Variants in MAGI2 observed in about 807,000 individuals in gnomAD.
The protein encoded by MAGI2 is membrane-associated guanylate kinase, WW and PDZ domain-containing protein 2.
Under a neutral mutation model 133.3 loss-of-function variants are expected in MAGI2, and 35 were observed. The observed-to-expected ratio is 0.26, with a 90% CI of 0.20 to 0.35. The LOEUF is 0.35. Ranked by LOEUF, MAGI2 falls within the 10% of genes least tolerant of loss-of-function variation. The pLI is 1.00. For synonymous variants in MAGI2, 729 were observed against 710.6 expected, an observed-to-expected ratio of 1.03 and a Z score of -0.41; for missense variants, 1,636 against 1,863.4, an observed-to-expected ratio of 0.88 and a Z score of 2.25.
chr7:78,376,477 A>G (rs1794458978), intron 6 of MAGI2, among the ~76,000 whole-genome samples: 1 of 152,136 alleles, frequency 6.6e-6, no homozygotes, highest in East Asian at 1.9e-4. Flanking sequence ...ATTATCAAGT[A>G]GAGTTAACCT....
At chr7:78,954,348 T>G (rs6974294) in intron 2 of MAGI2, among the ~76,000 whole-genome samples, 151,446 of 151,878 alleles carry the variant, frequency 1, 75,509 homozygotes, top group Middle Eastern at 1. Context: ...TTTTTTCCTC[T>G]GAAGATAAGA....
intron 2 of MAGI2, among the ~76,000 whole-genome samples, chr7:78,709,281 C>G (rs949293143): frequency 2.0e-5 from 3 of 151,662 alleles, no homozygotes; most frequent in Admixed American, 1.3e-4. Flanking sequence ...AACATACACA[C>G]CCCCACCCCC....
chr7:78,857,011 G>A (rs142475793), intron 2 of MAGI2, among the ~76,000 whole-genome samples: 9,537 of 152,200 alleles, frequency 0.063, 366 homozygotes, highest in Middle Eastern at 0.11. Flanking sequence ...TCTCCTTGAA[G>A]CAATTGTGAA....
intron 2 of MAGI2, among the ~76,000 whole-genome samples, chr7:78,739,107 AT>A (rs1822147864): frequency 6.6e-6 from 1 of 152,182 alleles, no homozygotes; most frequent in South Asian, 2.1e-4. Flanking sequence ...TCAAGTATTA[AT>A]TTTTTAAAGG....
chr7:78,654,742 TATATATAG>T lies in MAGI2; in HGVS notation c.419-27511_419-27504del, dbSNP rs1417687483. ...ATATATATATATATATATATATATATATATATAGCATATATTTTGCATCGCAACTGGAA... is the reference window on the plus strand; with the variant it reads ...ATATATATATATATATATATATATATCATATATTTTGCATCGCAACTGGAA... On this transcript the variant is annotated intron_variant, in intron 2 of 21. Transcript: ENST00000354212. Among the ~76,000 whole-genome samples the T allele has an allele frequency of 3.6e-3, 320 of 90,048 alleles. 3 individuals are homozygous for T. The highest frequency in any genetic ancestry group is 0.013 in the East Asian group (43 of 3,220). 59.1% of individuals were successfully genotyped at this position (90,048 alleles called of 152,430 possible). A position where few individuals can be genotyped will look rare whatever the true frequency, so the allele number is the denominator to read the frequency against.
chr7:79,267,018 G>A lies in MAGI2; in HGVS notation c.301+186002C>T, dbSNP rs115286095. On this transcript the variant is annotated intron_variant, in intron 1 of 21. Transcript: ENST00000354212. ...TGAGGACTGAACTTTGATCATCTTT[G>A]TTTCGAATTTCTTCCTGAGGACCCT... Among the ~76,000 whole-genome samples the A allele has an allele frequency of 9.1e-3, 1,380 of 152,246 alleles. 20 individuals carry two copies. Among genetic ancestry groups the A allele is most frequent in the African/African-American group, 0.031 (1,300 of 41,554 alleles).
intron 6 of MAGI2, among the ~76,000 whole-genome samples, chr7:78,458,094 G>C (rs1045988791): frequency 1.3e-4 from 19 of 151,910 alleles, no homozygotes; most frequent in African/African-American, 4.6e-4. Context: ...TCAGGAGATC[G>C]ATACCATCCT....
rs139124251 is a variant in MAGI2, at chr7:78,506,468, G to A, written c.755-4681C>T. ...AAATGAAATTGCCAAGAGACAGGGT[G>A]AGAAGTGGAAACAAGAATCTGGAGC... On this transcript the variant is annotated intron_variant, in intron 4 of 21. Transcript: ENST00000354212. 1.1e-4 allele frequency among the ~76,000 whole-genome samples: 16 copies of A among 152,312 alleles called. No homozygotes were observed. The East Asian group carries it at 2.7e-3, about 26-fold the overall frequency.
intron 10 of MAGI2, among the ~76,000 whole-genome samples, chr7:78,238,563 T>C (rs879597809): frequency 6.6e-6 from 1 of 152,096 alleles, no homozygotes; most frequent in Non-Finnish European, 1.5e-5. Flanking sequence ...TTTTCTCTTT[T>C]TCTTATATCC....
At chr7:78,709,086 A>C (rs1159680677) in intron 2 of MAGI2, among the ~76,000 whole-genome samples, 2 of 152,134 alleles carry the variant, frequency 1.3e-5, no homozygotes, top group Non-Finnish European at 2.9e-5. Context: ...CCACACTTCC[A>C]ATGAATTGAT....
chr7:78,330,660 T>C (rs1789092628), intron 9 of MAGI2, among the ~76,000 whole-genome samples: 2 of 149,924 alleles, frequency 1.3e-5, no homozygotes, highest in Non-Finnish European at 1.5e-5. Context: ...ATTCCTTCAC[T>C]TATTTAATCA....
chr7:78,525,126 C>A (rs1796841321), intron 3 of MAGI2, among the ~76,000 whole-genome samples: 1 of 151,972 alleles, frequency 6.6e-6, no homozygotes, highest in Admixed American at 6.6e-5. Flanking sequence ...AATTATACAA[C>A]AATATTCTAT....
At chr7:78,538,658 G>A (rs1488923155) in intron 3 of MAGI2, among the ~76,000 whole-genome samples, 1 of 152,146 alleles carries the variant, frequency 6.6e-6, no homozygotes, top group East Asian at 1.9e-4. Flanking sequence ...TGCTGTTGGT[G>A]TATAGCAATG....
At chr7:78,582,396 G>A (rs576472405) in intron 3 of MAGI2, among the ~76,000 whole-genome samples, 1 of 152,142 alleles carries the variant, frequency 6.6e-6, no homozygotes, top group Non-Finnish European at 1.5e-5. Context: ...AAATTGTTAT[G>A]CAATATAAAA....
At chr7:78,424,469 C>A (rs182588055) in intron 6 of MAGI2, among the ~76,000 whole-genome samples, 1 of 152,282 alleles carries the variant, frequency 6.6e-6, no homozygotes, top group Admixed American at 6.5e-5. Context: ...TGCACAGAGT[C>A]CTTACTGGGG....
chr7:78,149,820 A>G (rs945289229), intron 16 of MAGI2, among the ~76,000 whole-genome samples: 2 of 152,302 alleles, frequency 1.3e-5, no homozygotes, highest in East Asian at 1.9e-4. Context: ...TTCATCAGGT[A>G]CCCAACATCT....
chr7:78,743,245 C>A (rs953971407), intron 2 of MAGI2, among the ~76,000 whole-genome samples: 9 of 152,122 alleles, frequency 5.9e-5, no homozygotes, highest in African/African-American at 1.9e-4. Context: ...AATCAATAAG[C>A]TGCAATCAAA....
chr7:78,701,405 T>A (rs978924339), intron 2 of MAGI2, among the ~76,000 whole-genome samples: 1 of 151,816 alleles, frequency 6.6e-6, no homozygotes, highest in African/African-American at 2.4e-5. Flanking sequence ...ATGCAGATCA[T>A]ATTTGTAATA....
chr7:78,088,785 A>C (rs1816893867), intron 20 of MAGI2, among the ~76,000 whole-genome samples: 1 of 152,206 alleles, frequency 6.6e-6, no homozygotes, highest in Admixed American at 6.5e-5. Flanking sequence ...CCATCCCCAG[A>C]TGTCCACCTC....
Sources: allele counts gnomAD v4.1 joint callset (sites outside exome capture counted in the v4.1 genomes callset), GRCh38; gene constraint gnomAD v4.1.1; transcripts MANE v1.5; gene names NCBI Gene and HGNC (gene_info 2026-07-23, HGNC 2026-07-21).